The following CADM2 variants were observed in gnomAD, a reference collection of about 807,000 sequenced individuals.
The protein encoded by CADM2 is immunoglobulin superfamily member 4D.
Under a neutral mutation model 49.8 loss-of-function variants are expected in CADM2, and 12 were observed. The observed-to-expected ratio is 0.24, with a 90% CI of 0.15 to 0.39. The LOEUF is 0.39. Ranked by LOEUF, CADM2 falls within the 10% of genes least tolerant of loss-of-function variation. The probability of loss-of-function intolerance (pLI) is 1.00; values close to 1 mark genes in which losing one functional copy is unlikely to be tolerated. For synonymous variants in CADM2, 214 were observed against 175.4 expected (o/e 1.22, Z -1.74); for missense variants, 378 against 492.3 (o/e 0.77, Z 2.20).
At chr3:85,476,183 G>T (rs1469017412) in intron 1 of CADM2, among the ~76,000 whole-genome samples, 1 of 151,810 alleles carries the variant, frequency 6.6e-6, no homozygotes, top group Non-Finnish European at 1.5e-5. Flanking sequence ...TCATCTATTG[G>T]TCAAAGTCAT....
intron 1 of CADM2, among the ~76,000 whole-genome samples, chr3:85,385,981 A>G (rs2034205779): frequency 6.6e-6 from 1 of 152,154 alleles, no homozygotes; most frequent in Non-Finnish European, 1.5e-5. Context: ...ATTTGCATTA[A>G]CAATTATATT....
Position 85,044,110 on chromosome 3 carries a change from T to C in CADM2, c.61+84442T>C, listed in dbSNP as rs74514613. On this transcript the variant is annotated intron_variant, in intron 1 of 9. Transcript: ENST00000383699. The stretch of plus-strand genomic sequence containing the variant: ...ATCATCCAACCACCTTGCTTCACCT[T>C]AGCTTATTGCCAACCAAAACATCTG... Among the ~76,000 whole-genome samples the C allele has an allele frequency of 3.4e-3, 523 of 152,234 alleles. 6 individuals carry two copies. The highest frequency in any genetic ancestry group is 0.012 in the African/African-American group (493 of 41,550).
At chr3:85,723,856 A>G (rs1249980582) in intron 1 of CADM2, among the ~76,000 whole-genome samples, 1 of 152,018 alleles carries the variant, frequency 6.6e-6, no homozygotes, top group Non-Finnish European at 1.5e-5. Flanking sequence ...AGGTTTTGGC[A>G]TGTTTTCTTT....
chr3:85,812,313 T>C (rs1007896456), intron 3 of CADM2, among the ~76,000 whole-genome samples: 1 of 152,122 alleles, frequency 6.6e-6, no homozygotes, highest in Non-Finnish European at 1.5e-5. Context: ...AAAATATTCA[T>C]GACTGAAAAC....
intron 1 of CADM2, among the ~76,000 whole-genome samples, chr3:85,577,605 A>AT (rs996562728): frequency 6.6e-5 from 10 of 152,110 alleles, no homozygotes; most frequent in East Asian, 1.9e-4. Context: ...GACAAAGGAC[A>AT]TTTTTTTCTT....
At chr3:85,976,549 A>G (rs1288098124) in intron 8 of CADM2, among the ~76,000 whole-genome samples, 4 of 151,670 alleles carry the variant, frequency 2.6e-5, no homozygotes, top group African/African-American at 9.7e-5. Context: ...TAATGAAAGA[A>G]CAGAATAAAA....
intron 1 of CADM2, among the ~76,000 whole-genome samples, chr3:85,215,672 G>C (rs1398462088): frequency 6.6e-6 from 1 of 152,048 alleles, no homozygotes; most frequent in African/African-American, 2.4e-5. Flanking sequence ...GGCTTAGATG[G>C]GCTTTCAAGT....
chr3:85,270,501 T>C lies in CADM2; in HGVS notation c.61+310833T>C, dbSNP rs557853700. ...ATTCTGTTCAGAATACTAGCCTTAT[T>C]TTATTAGGTTCCCTTTTAAATTTCA... On this transcript the variant is annotated intron_variant, in intron 1 of 9. Transcript: ENST00000383699. Among the ~76,000 whole-genome samples the C allele has an allele frequency of 3.3e-5, 5 of 151,512 alleles. No individual in the cohort carries two copies. The East Asian group carries it at 7.8e-4, about 24-fold the overall frequency.
chr3:85,325,234 A>T (rs2107124246), intron 1 of CADM2, among the ~76,000 whole-genome samples: 1 of 152,350 alleles, frequency 6.6e-6, no homozygotes, highest in Non-Finnish European at 1.5e-5. Flanking sequence ...CCATTTCCAT[A>T]AATTGTTTTG....
chr3:85,258,154 G>A (rs2042932411), intron 1 of CADM2, among the ~76,000 whole-genome samples: 1 of 152,078 alleles, frequency 6.6e-6, no homozygotes, highest in South Asian at 2.1e-4. Context: ...GAGTGGCCAA[G>A]ATTATATGCA....
At chr3:85,573,010 C>T (rs2062523159) in intron 1 of CADM2, among the ~76,000 whole-genome samples, 1 of 150,458 alleles carries the variant, frequency 6.6e-6, no homozygotes, top group African/African-American at 2.5e-5. Flanking sequence ...ATCGTGTATA[C>T]ATAAGATGCA....
At chr3:85,895,150 A>C (rs1338441403) in intron 5 of CADM2, among the ~76,000 whole-genome samples, 1 of 152,168 alleles carries the variant, frequency 6.6e-6, no homozygotes, top group Non-Finnish European at 1.5e-5. Flanking sequence ...CTATGAATGC[A>C]GCTGGGAGGG....
chr3:85,349,362 T>C (rs1372793801), intron 1 of CADM2, among the ~76,000 whole-genome samples: 2 of 152,244 alleles, frequency 1.3e-5, no homozygotes, highest in Non-Finnish European at 2.9e-5. Context: ...TCAGTAAAAC[T>C]GGAATTGGGA....
intron 1 of CADM2, among the ~76,000 whole-genome samples, chr3:85,550,174 C>T (rs546909137): frequency 1.9e-3 from 293 of 152,236 alleles, no homozygotes; most frequent in African/African-American, 6.9e-3. Context: ...TCTGCCCCTG[C>T]GTTTCTGCTC....
At chr3:85,469,100 C>A (rs2038653251) in intron 1 of CADM2, among the ~76,000 whole-genome samples, 1 of 152,140 alleles carries the variant, frequency 6.6e-6, no homozygotes, top group African/African-American at 2.4e-5. Context: ...AGTGCAAATG[C>A]AAAGTGTCAG....
intron 1 of CADM2, among the ~76,000 whole-genome samples, chr3:85,353,753 G>T (rs2107248110): frequency 6.6e-6 from 1 of 150,750 alleles, no homozygotes; most frequent in African/African-American, 2.5e-5. Flanking sequence ...ATATTTTTTT[G>T]AAATTCTTAT....
At chr3:85,692,533 A>T (rs1383060929) in intron 1 of CADM2, among the ~76,000 whole-genome samples, 1 of 152,206 alleles carries the variant, frequency 6.6e-6, no homozygotes, top group African/African-American at 2.4e-5. Flanking sequence ...GATATATTTT[A>T]ATGTTTTAAC....
At chr3:85,786,088 A>T (rs1040611035) in intron 2 of CADM2, among the ~76,000 whole-genome samples, 1 of 152,074 alleles carries the variant, frequency 6.6e-6, no homozygotes, top group African/African-American at 2.4e-5. Context: ...TTTGCTGTGA[A>T]TGTATTTTTT....
At position 85,520,752 on chromosome 3, in the gene CADM2, A is replaced by G. The variant is rs188226176; in HGVS notation, c.62-205770A>G. Among the ~76,000 whole-genome samples, 476 of 152,186 alleles carry G rather than the reference A, an allele frequency of 3.1e-3. 1 individual carries two copies. The highest frequency in any genetic ancestry group is 5.0e-3 in the Non-Finnish European group (343 of 67,940). On this transcript the variant is annotated intron_variant, in intron 1 of 9. Coordinates refer to ENST00000383699, the MANE Select transcript of CADM2 (RefSeq NM_001167675.2). The stretch of plus-strand genomic sequence containing the variant: ...AAGAAATACATTAATTAAAAAAATG[A>G]AAGTGAACCTGGGCAAATTTGAACT...
Sources: gnomAD v4.1 joint callset for allele counts (sites outside exome capture counted in the v4.1 genomes callset) on GRCh38, gnomAD v4.1.1 for gene constraint, MANE v1.5 for transcripts, NCBI Gene and HGNC (gene_info 2026-07-23, HGNC 2026-07-21) for gene names.